Variants in RLF observed in about 807,000 individuals in gnomAD.
RLF encodes RLF zinc finger.
RLF carries 7 observed loss-of-function variants against 162.9 expected under a neutral mutation model. The observed-to-expected ratio is 0.04, with a 90% CI of 0.02 to 0.08. The LOEUF (loss-of-function observed/expected upper bound fraction) is 0.08. Among genes scored for constraint, RLF ranks in the 10% least tolerant of loss-of-function variants. RLF has a pLI of 1.00. For synonymous variants in RLF, 782 were observed against 791.5 expected (o/e 0.99, Z 0.20); for missense variants, 1,664 against 2,244.7 (o/e 0.74, Z 5.23).
chr1:40,174,280 A>G (rs1354423172), intron 1 of RLF, among the ~76,000 whole-genome samples: 3 of 152,106 alleles, frequency 2.0e-5, no homozygotes, highest in Admixed American at 1.3e-4. Flanking sequence ...CTGAGGCAGG[A>G]GAATCGCTTG....
chr1:40,188,607 C>A (rs1642516625), intron 1 of RLF, among the ~76,000 whole-genome samples: 1 of 142,228 alleles, frequency 7.0e-6, no homozygotes, highest in Non-Finnish European at 1.6e-5. Flanking sequence ...CTAATCAATT[C>A]CATGTGTCCA....
intron 7 of RLF, among the ~76,000 whole-genome samples, chr1:40,233,907 C>T (rs964464231): frequency 6.6e-6 from 1 of 152,310 alleles, no homozygotes; most frequent in East Asian, 1.9e-4. Flanking sequence ...TCACTCACTC[C>T]CTTTTCACCT....
chr1:40,187,837 G>A (rs1356926098), intron 1 of RLF, among the ~76,000 whole-genome samples: 1 of 152,128 alleles, frequency 6.6e-6, no homozygotes, highest in African/African-American at 2.4e-5. Flanking sequence ...CGCTACTATT[G>A]TAGTTATTTG....
intron 1 of RLF, among the ~76,000 whole-genome samples, chr1:40,171,765 A>G (rs1158414485): frequency 6.6e-6 from 1 of 152,142 alleles, no homozygotes; most frequent in East Asian, 1.9e-4. Context: ...AAATATTACA[A>G]TTTCTAATTG....
chr1:40,177,505 G>T (rs1412359592), intron 1 of RLF, among the ~76,000 whole-genome samples: 1 of 151,872 alleles, frequency 6.6e-6, no homozygotes, highest in Non-Finnish European at 1.5e-5. Context: ...GTGTTAGCCA[G>T]GATGGGGTCT....
intron 5 of RLF, among the ~76,000 whole-genome samples, chr1:40,219,347 G>A (rs1642963150): frequency 6.6e-6 from 1 of 152,014 alleles, no homozygotes; most frequent in Non-Finnish European, 1.5e-5. Flanking sequence ...TAAAACAGGT[G>A]CTAAGGGGGA....
chr1:40,182,873 A>G (rs1642425431), intron 1 of RLF, among the ~76,000 whole-genome samples: 1 of 152,170 alleles, frequency 6.6e-6, no homozygotes, highest in Non-Finnish European at 1.5e-5. Flanking sequence ...GCATAGTGGC[A>G]GCATATGTTA....
intron 1 of RLF, among the ~76,000 whole-genome samples, chr1:40,185,676 A>T (rs1642466713): frequency 2.1e-5 from 3 of 142,474 alleles, no homozygotes; most frequent in African/African-American, 7.6e-5. Context: ...AAAAAAAAAA[A>T]AATTAGCCGG....
chr1:40,195,886 A>G, intron 4 of RLF, 122 bp downstream of exon 4: 1 of 823,448 alleles, frequency 1.2e-6, no homozygotes, highest in Non-Finnish European at 1.8e-6. Flanking sequence ...TACTTTGAGT[A>G]GTAAAAATTA....
intron 1 of RLF, among the ~76,000 whole-genome samples, chr1:40,178,849 T>C (rs1642368299): frequency 6.6e-6 from 1 of 151,802 alleles, no homozygotes; most frequent in African/African-American, 2.4e-5. Flanking sequence ...TATTTTTATT[T>C]TTTGAGATGG....
intron 4 of RLF, among the ~76,000 whole-genome samples, chr1:40,198,655 T>C (rs956583467): frequency 6.6e-6 from 1 of 152,156 alleles, no homozygotes; most frequent in African/African-American, 2.4e-5. Context: ...ATGAAGTATA[T>C]AGTATAAGAT....
intron 4 of RLF, among the ~76,000 whole-genome samples, chr1:40,199,772 G>C (rs150465286): frequency 1.2e-4 from 19 of 152,234 alleles, no homozygotes; most frequent in African/African-American, 4.6e-4. Flanking sequence ...AGCAGAATCT[G>C]ATGTTAGGCA....
At chr1:40,183,522 G>A (rs1306885039) in intron 1 of RLF, among the ~76,000 whole-genome samples, 2 of 152,156 alleles carry the variant, frequency 1.3e-5, no homozygotes, top group East Asian at 3.8e-4. Flanking sequence ...GCCAAATGAT[G>A]ACCATGACAC....
At chr1:40,190,402 A>G (rs189217227) in intron 2 of RLF, among the ~76,000 whole-genome samples, 82 of 152,236 alleles carry the variant, frequency 5.4e-4, no homozygotes, top group Admixed American at 3.5e-3. Flanking sequence ...ATCATTTATC[A>G]TTTTATCAGC....
chr1:40,181,951 A>T (rs1642409595), intron 1 of RLF, among the ~76,000 whole-genome samples: 1 of 152,196 alleles, frequency 6.6e-6, no homozygotes, highest in Non-Finnish European at 1.5e-5. Context: ...AGGGGTGTTC[A>T]TCTTAATATT....
intron 3 of RLF, among the ~76,000 whole-genome samples, chr1:40,191,127 A>G (rs1557744635): frequency 6.6e-6 from 1 of 152,246 alleles, no homozygotes; most frequent in Non-Finnish European, 1.5e-5. Context: ...TCAAAATCAT[A>G]CATGATTATA....
At chr1:40,190,283 A>G (rs1400998481) in intron 2 of RLF, among the ~76,000 whole-genome samples, 1 of 152,212 alleles carries the variant, frequency 6.6e-6, no homozygotes, top group Admixed American at 6.5e-5. Flanking sequence ...TAGTCAGAAA[A>G]AGGAAACTCT....
At chr1:40,231,139 T>G (rs1350812433) in intron 6 of RLF, among the ~76,000 whole-genome samples, 1 of 152,218 alleles carries the variant, frequency 6.6e-6, no homozygotes, top group African/African-American at 2.4e-5. Flanking sequence ...CGTTGTTAAT[T>G]TAGTGATGGC....
In RLF at chr1:40,240,666, A is replaced by G; in HGVS notation, c.*219A>G. On this transcript the variant is annotated 3_prime_UTR_variant, in exon 8 of 8. Coordinates refer to ENST00000372771, the MANE Select transcript of RLF (RefSeq NM_012421.4). ...GTTTATTTTTGTTTGTTTGTTTATT[A>G]AAAAAATGGAACTGTACACTTGTTT... The G allele has an allele frequency of 4.0e-6, 2 of 500,288 alleles. No individual in the cohort carries two copies. Among genetic ancestry groups the G allele is most frequent in the Non-Finnish European group, 3.6e-6 (1 of 280,546 alleles). The allele number at this position is 500,288 out of a possible 1,614,324, so 31.0% of individuals were successfully genotyped here. A position where few individuals can be genotyped will look rare whatever the true frequency, so the allele number is the denominator to read the frequency against.
Sources: gnomAD v4.1 joint callset for allele counts (sites outside exome capture counted in the v4.1 genomes callset) on GRCh38, gnomAD v4.1.1 for gene constraint, MANE v1.5 for transcripts, NCBI Gene and HGNC (gene_info 2026-07-23, HGNC 2026-07-21) for gene names.